The following SORBS2 variants were observed in gnomAD, a reference collection of about 807,000 sequenced individuals.
SORBS2 encodes sorbin and SH3 domain containing 2.
Under a neutral mutation model 97.7 loss-of-function variants are expected in SORBS2, and 46 were observed. That is an observed-to-expected ratio of 0.47 (90% confidence interval 0.37 to 0.60). The LOEUF is 0.60. Among genes scored for constraint, SORBS2 ranks in the 20% least tolerant of loss-of-function variants. The pLI is 0.00. For synonymous variants in SORBS2, 476 were observed against 473.4 expected, an observed-to-expected ratio of 1.01 and a Z score of -0.07; for missense variants, 1,316 against 1,282.3, an observed-to-expected ratio of 1.03 and a Z score of -0.40.
intron 4 of SORBS2, among the ~76,000 whole-genome samples, chr4:185,632,360 G>T (rs1411922945): frequency 6.6e-6 from 1 of 152,080 alleles, no homozygotes; most frequent in Non-Finnish European, 1.5e-5. Context: ...AAAATATTTA[G>T]ATTTCTAGGT....
rs62334720 is a variant in SORBS2 at position 185,623,041 on chromosome 4, G to A, written c.2088C>T (p.Pro696=). The change falls in exon 7 of 15, where the codon CCC becomes CCT. Residue 696 remains proline (P), a synonymous_variant. Transcript: ENST00000418609. This position sits in a 1 kb window ranked among gnomAD's most constrained non-coding sequence, Gnocchi z 6.4. The stretch of plus-strand genomic sequence containing the variant: ...AGGGTGGACAATGAATAGCACCATC[G>A]GGAGGCAGTGGGTGGAGAGGCTGGT... 14 of 1,614,160 alleles carry A rather than the reference G, an allele frequency of 8.7e-6. No homozygotes were observed. The highest frequency in any genetic ancestry group is 4.0e-5 in the African/African-American group (3 of 75,042).
At chr4:185,906,712 A>T (rs2149852296) in intron 1 of SORBS2, among the ~76,000 whole-genome samples, 1 of 152,358 alleles carries the variant, frequency 6.6e-6, no homozygotes, top group African/African-American at 2.4e-5. Flanking sequence ...CATGACTCTA[A>T]TACATGTGAA....
chr4:185,637,962 A>T, intron 4 of SORBS2, 117 bp downstream of exon 15: 1 of 710,932 alleles, frequency 1.4e-6, no homozygotes. Context: ...GTGTGTGTAT[A>T]CATTATGCAT....
intron 1 of SORBS2, among the ~76,000 whole-genome samples, chr4:185,893,039 C>G (rs2099243247): frequency 6.6e-6 from 1 of 152,084 alleles, no homozygotes. Context: ...GATTTGAACA[C>G]TCCGATTACT....
chr4:185,820,958 C>G (rs999338057), intron 1 of SORBS2, among the ~76,000 whole-genome samples: 4 of 152,146 alleles, frequency 2.6e-5, no homozygotes, highest in Admixed American at 6.5e-5. Context: ...TTCTATCTGC[C>G]CCTTAAGGCC....
chr4:185,914,345 A>G (rs2099256915), intron 1 of SORBS2, among the ~76,000 whole-genome samples: 1 of 152,234 alleles, frequency 6.6e-6, no homozygotes, highest in South Asian at 2.1e-4. Flanking sequence ...TCAGTTAAGT[A>G]ATTTGTTACA....
At chr4:185,596,473 C>G (rs749225806) in intron 12 of SORBS2, among the ~76,000 whole-genome samples, 3 of 151,852 alleles carry the variant, frequency 2.0e-5, no homozygotes, top group Non-Finnish European at 4.4e-5. Flanking sequence ...TTCCTGGATC[C>G]CACGTCCATG....
chr4:185,879,076 G>C (rs62335023), intron 1 of SORBS2, among the ~76,000 whole-genome samples: 8 of 150,694 alleles, frequency 5.3e-5, no homozygotes, highest in South Asian at 4.2e-4. Flanking sequence ...CAACGTGCAG[G>C]TTTGTTACAT....
At chr4:185,750,521 C>T (rs1017615583) in intron 2 of SORBS2, among the ~76,000 whole-genome samples, 10 of 152,208 alleles carry the variant, frequency 6.6e-5, no homozygotes, top group South Asian at 2.1e-4. Flanking sequence ...ACTCACACTG[C>T]ACCACAGAAA....
intron 4 of SORBS2, 77 bp from the exon 8 acceptor site, chr4:185,662,319 A>C: frequency 7.0e-7 from 1 of 1,418,824 alleles, no homozygotes; most frequent in African/African-American, 1.4e-5. Context: ...GTGATAATAA[A>C]AGACTTCCAA....
At chr4:185,737,389 G>C (rs1476105161) in intron 2 of SORBS2, among the ~76,000 whole-genome samples, 1 of 152,194 alleles carries the variant, frequency 6.6e-6, no homozygotes, top group Non-Finnish European at 1.5e-5. Context: ...TCCTTTACTG[G>C]AACCATCGCC....
intron 1 of SORBS2, among the ~76,000 whole-genome samples, chr4:185,788,469 C>T (rs2099066438): frequency 6.6e-6 from 1 of 152,070 alleles, no homozygotes; most frequent in Admixed American, 6.6e-5. Flanking sequence ...CAGAATCAGT[C>T]AACTATCAAA....
At chr4:185,772,993 G>A (rs2098980084) in intron 2 of SORBS2, 1 of 151,488 alleles carries the variant, frequency 6.6e-6, no homozygotes, top group African/African-American at 2.4e-5. Context: ...TTCACCTGAA[G>A]TTTCACATTC....
chr4:185,811,801 T>C (rs962151082), intron 1 of SORBS2: 1 of 152,516 alleles, frequency 6.6e-6, no homozygotes, highest in South Asian at 2.1e-4. Flanking sequence ...TCCAGTCCAG[T>C]GCCCGTCCCA....
chr4:185,640,681 T>C (rs2097111690), intron 4 of SORBS2, among the ~76,000 whole-genome samples: 1 of 152,212 alleles, frequency 6.6e-6, no homozygotes, highest in Non-Finnish European at 1.5e-5. Context: ...TTAATGTCCA[T>C]AAAATACTAT....
intron 1 of SORBS2, among the ~76,000 whole-genome samples, chr4:185,784,076 T>C (rs912917816): frequency 2.0e-5 from 3 of 152,152 alleles, no homozygotes; most frequent in African/African-American, 7.2e-5. Flanking sequence ...GGCATCCTGT[T>C]GAAAATTTCA....
intron 1 of SORBS2, among the ~76,000 whole-genome samples, chr4:185,917,578 C>A (rs535425358): frequency 6.6e-6 from 1 of 152,168 alleles, no homozygotes; most frequent in African/African-American, 2.4e-5. Context: ...GTCATGTGAG[C>A]CACTCTAGTA....
chr4:185,660,932 G>A (rs923573555), upstream of SORBS2, among the ~76,000 whole-genome samples: 1 of 151,882 alleles, frequency 6.6e-6, no homozygotes, highest in African/African-American at 2.4e-5. Flanking sequence ...GTTCAATTTC[G>A]TATTTTTTTT....
chr4:185,731,211 C>A (rs568033102), intron 2 of SORBS2, among the ~76,000 whole-genome samples: 84 of 152,280 alleles, frequency 5.5e-4, no homozygotes, highest in African/African-American at 1.9e-3. Context: ...GGCTGCCCAC[C>A]TGAGGAGGAG....
Sources: allele counts gnomAD v4.1 joint callset (sites outside exome capture counted in the v4.1 genomes callset), GRCh38; gene constraint gnomAD v4.1.1; non-coding constraint Gnocchi (gnomAD v3.1); transcripts MANE v1.5; gene names NCBI Gene and HGNC (gene_info 2026-07-23, HGNC 2026-07-21).